The following PCA3 variants were observed in gnomAD, a reference collection of about 807,000 sequenced individuals.
PCA3 encodes Differential Display code 3.
chr9:76,781,552 AC>A (rs2054397355), intron 2 of PCA3, among the ~76,000 whole-genome samples: 1 of 152,156 alleles, frequency 6.6e-6, no homozygotes, highest in Non-Finnish European at 1.5e-5. Flanking sequence ...GAGAACTTAC[AC>A]ACCTCCCTAT....
At chr9:76,770,346 C>T (rs954326760) in intron 2 of PCA3, among the ~76,000 whole-genome samples, 3 of 152,110 alleles carry the variant, frequency 2.0e-5, no homozygotes, top group African/African-American at 7.2e-5. Flanking sequence ...ATTCCTTGGG[C>T]ATTAAAATAT....
chr9:76,784,832 T>G (rs1172515920), intron 2 of PCA3: 1 of 152,472 alleles, frequency 6.6e-6, no homozygotes, highest in Non-Finnish European at 1.5e-5. Flanking sequence ...CTCAGTGTCT[T>G]TGCCCATACT....
At chr9:76,774,542 T>C (rs1316913041) in intron 2 of PCA3, among the ~76,000 whole-genome samples, 1 of 140,716 alleles carries the variant, frequency 7.1e-6, no homozygotes, top group Non-Finnish European at 1.5e-5. Context: ...CACTGCAACC[T>C]CCACCTCCCA....
chr9:76,772,742 T>G (rs1287135984), intron 2 of PCA3, among the ~76,000 whole-genome samples: 2 of 152,104 alleles, frequency 1.3e-5, no homozygotes, highest in Non-Finnish European at 2.9e-5. Flanking sequence ...TGTTTAATTT[T>G]TTGTAGAGAC....
chr9:76,785,773 G>A (rs1346000557), intron 2 of PCA3: 1 of 152,096 alleles, frequency 6.6e-6, no homozygotes, highest in Non-Finnish European at 1.5e-5. Flanking sequence ...ATGCCAAAGT[G>A]TGCCTCTCTC....
intron 2 of PCA3, among the ~76,000 whole-genome samples, chr9:76,779,218 G>A (rs1025989879): frequency 6.7e-6 from 1 of 148,506 alleles, no homozygotes; most frequent in Non-Finnish European, 1.5e-5. Flanking sequence ...AATGGACAAA[G>A]TGAAAAACTT....
At chr9:76,766,847 C>A (rs183225535) in intron 2 of PCA3, among the ~76,000 whole-genome samples, 2 of 152,312 alleles carry the variant, frequency 1.3e-5, no homozygotes, top group Admixed American at 6.5e-5. Context: ...CACTGTTCTG[C>A]GGTCCAACCC....
Position 76,776,887 on chromosome 9 carries a change from AACACATAC to A in PCA3, n.853-31690_853-31683del, listed in dbSNP as rs1440038936. ...TCTTGAGTTTCTTTCTCATTACCAAAACACATACACACACACACACACACACACACACA... is the reference window on the plus strand; with the variant it reads ...TCTTGAGTTTCTTTCTCATTACCAAAACACACACACACACACACACACACA... On this transcript the variant is annotated intron_variant and non_coding_transcript_variant, in intron 2 of 5. Transcript: ENST00000644657. 3.2e-3 allele frequency among the ~76,000 whole-genome samples: 312 copies of A among 96,554 alleles called. 1 individual carries two copies. Among genetic ancestry groups the A allele is most frequent in the African/African-American group, 9.4e-3 (265 of 28,256 alleles). 63.3% of individuals were successfully genotyped at this position (96,554 alleles called of 152,430 possible). A position where few individuals can be genotyped will look rare whatever the true frequency, so the allele number is the denominator to read the frequency against.
chr9:76,782,851 C>T (rs1002586630), intron 2 of PCA3: 2 of 152,296 alleles, frequency 1.3e-5, no homozygotes, highest in East Asian at 1.9e-4. Context: ...CATGGTAGAA[C>T]GAAGAATAGA....
intron 2 of PCA3, among the ~76,000 whole-genome samples, chr9:76,772,808 C>T (rs2053264090): frequency 6.6e-6 from 1 of 152,140 alleles, no homozygotes; most frequent in African/African-American, 2.4e-5. Flanking sequence ...AAGCAATCCT[C>T]CCATCTTGGC....
intron 2 of PCA3, chr9:76,783,567 T>A (rs1389003971): frequency 5.9e-5 from 9 of 152,250 alleles, no homozygotes; most frequent in Non-Finnish European, 1.3e-4. Context: ...AGTATTAAAA[T>A]TCTGTGCCCA....
intron 2 of PCA3, chr9:76,778,503 T>G (rs2054039429): frequency 6.6e-6 from 1 of 152,150 alleles, no homozygotes; most frequent in Admixed American, 6.6e-5. Flanking sequence ...ACACAGGAGA[T>G]CAGTTGGAGC....
chr9:76,781,539 T>C (rs1424055122), intron 2 of PCA3, among the ~76,000 whole-genome samples: 3 of 152,224 alleles, frequency 2.0e-5, no homozygotes, highest in African/African-American at 4.8e-5. Context: ...ATTACTTTCT[T>C]TGGAGAACTT....
intron 2 of PCA3, among the ~76,000 whole-genome samples, chr9:76,777,716 G>A (rs1240535744): frequency 1.3e-5 from 2 of 152,188 alleles, no homozygotes; most frequent in African/African-American, 4.8e-5. Flanking sequence ...TGATGGGGCA[G>A]TGCAGAAAAA....
chr9:76,781,457 T>C (rs188559052), intron 2 of PCA3, among the ~76,000 whole-genome samples: 6 of 152,332 alleles, frequency 3.9e-5, no homozygotes, highest in Admixed American at 3.9e-4. Context: ...TGCTGTTCCC[T>C]TTGCCTGGAA....
intron 2 of PCA3, among the ~76,000 whole-genome samples, chr9:76,774,332 T>C (rs895937324): frequency 1.5e-4 from 23 of 151,888 alleles, no homozygotes; most frequent in African/African-American, 5.3e-4. Context: ...AAGATGGGGT[T>C]TCACCATGTT....
At chr9:76,765,968 G>T (rs2052328127) in intron 2 of PCA3, among the ~76,000 whole-genome samples, 1 of 152,028 alleles carries the variant, frequency 6.6e-6, no homozygotes, top group Non-Finnish European at 1.5e-5. Flanking sequence ...TGATCACGAG[G>T]TCAAGAGATT....
At chr9:76,778,269 T>C (rs1564283117) in intron 2 of PCA3, 1 of 152,218 alleles carries the variant, frequency 6.6e-6, no homozygotes, top group Non-Finnish European at 1.5e-5. Flanking sequence ...TCAGCTCTTC[T>C]AGAGACAGCC....
At chr9:76,764,794 G>A (rs2130803613) in intron 2 of PCA3, among the ~76,000 whole-genome samples, 1 of 152,270 alleles carries the variant, frequency 6.6e-6, no homozygotes, top group East Asian at 1.9e-4. Flanking sequence ...GAGTGAACAA[G>A]CTATTTGCTT....
Sources: gnomAD v4.1 joint callset for allele counts (sites outside exome capture counted in the v4.1 genomes callset) on GRCh38, gnomAD v4.1.1 for gene constraint, MANE v1.5 for transcripts, NCBI Gene and HGNC (gene_info 2026-07-23, HGNC 2026-07-21) for gene names.